Variants in TENM2 observed in about 807,000 individuals in gnomAD.
TENM2 encodes teneurin-2.
TENM2 carries 52 observed loss-of-function variants against 245.2 expected under a neutral mutation model. That is an observed-to-expected ratio of 0.21 (90% CI 0.17 to 0.27). The LOEUF is 0.27. Among genes scored for constraint, TENM2 ranks in the 10% least tolerant of loss-of-function variants. The pLI, the probability that TENM2 is intolerant of heterozygous loss-of-function variation, is 1.00. For synonymous variants in TENM2, 1,363 were observed against 1,438.9 expected, an observed-to-expected ratio of 0.95 and a Z score of 1.19; for missense variants, 3,046 against 3,666.8, an observed-to-expected ratio of 0.83 and a Z score of 4.37.
the TENM2 span, among the ~76,000 whole-genome samples, chr5:167,191,859 A>G: frequency 6.6e-6 from 1 of 152,034 alleles, no homozygotes; most frequent in Non-Finnish European, 1.5e-5. Context: ...CTCTTACTCC[A>G]ATAGTACTTG....
the TENM2 span, among the ~76,000 whole-genome samples, chr5:167,018,462 C>T: frequency 1.3e-5 from 2 of 151,866 alleles, no homozygotes; most frequent in Admixed American, 1.3e-4. Context: ...ATCTCTGAGT[C>T]ACTGACTGAA....
chr5:168,043,054 AT>A (rs1460082129), intron 5 of TENM2, among the ~76,000 whole-genome samples: 11 of 152,250 alleles, frequency 7.2e-5, no homozygotes, highest in Admixed American at 1.3e-4. Flanking sequence ...TCCCAAACTC[AT>A]TTCACTTTTG....
Position 168,065,989 on chromosome 5 carries a change from T to C in TENM2, c.1515+3724T>C, listed in dbSNP as rs141872488. 5.2e-3 allele frequency among the ~76,000 whole-genome samples: 792 copies of C among 152,198 alleles called. 17 individuals carry two copies. Among genetic ancestry groups the C allele is most frequent in the Admixed American group, 0.04 (617 of 15,264 alleles). Reference sequence around the variant, plus strand: ...TCTGGTTGTCACACTGTGAGGAGGTTGCTACTAGTACCTAGTGGATAGAGG... The same window carrying C: ...TCTGGTTGTCACACTGTGAGGAGGTCGCTACTAGTACCTAGTGGATAGAGG... On this transcript the variant is annotated intron_variant, in intron 7 of 28. Transcript: ENST00000518659.
rs117482203 is a variant in TENM2 at position 167,607,773 on chromosome 5, A to T, written c.502+232300A>T. On this transcript the variant is annotated intron_variant, in intron 2 of 28. Transcript: ENST00000518659. ...AGATAAGAATGCAAAATGCAATAAGATAGAGTCCCTGCCCTGTGTTGCTTC... is the reference window on the plus strand; with the variant it reads ...AGATAAGAATGCAAAATGCAATAAGTTAGAGTCCCTGCCCTGTGTTGCTTC... Among the ~76,000 whole-genome samples, 593 of 152,298 alleles carry T rather than the reference A, an allele frequency of 3.9e-3. 25 individuals are homozygous for T. In the East Asian group the frequency reaches 0.082, roughly 21 times the overall value.
the TENM2 span, among the ~76,000 whole-genome samples, chr5:167,077,857 A>G: frequency 6.6e-6 from 1 of 152,176 alleles, no homozygotes; most frequent in Non-Finnish European, 1.5e-5. Flanking sequence ...TCACTTTACT[A>G]GTATAAAACA....
intron 5 of TENM2, among the ~76,000 whole-genome samples, chr5:168,035,488 C>A (rs113497029): frequency 0.039 from 5,720 of 147,734 alleles, 374 homozygotes; most frequent in African/African-American, 0.14. Flanking sequence ...CAGAGGGAGA[C>A]CCTGTCTCAA....
the TENM2 span, among the ~76,000 whole-genome samples, chr5:167,072,749 G>A: frequency 6.6e-6 from 1 of 152,180 alleles, no homozygotes; most frequent in Admixed American, 6.5e-5. Context: ...ATTGACAATG[G>A]TATTAGCCAG....
At chr5:167,890,307 C>T (rs935568162) in intron 3 of TENM2, among the ~76,000 whole-genome samples, 4 of 152,132 alleles carry the variant, frequency 2.6e-5, no homozygotes, top group Non-Finnish European at 5.9e-5. Flanking sequence ...ACAGAAACAA[C>T]TTTTTCCTCC....
At chr5:167,116,643 T>A in the TENM2 span, 2 of 152,102 alleles carry the variant, frequency 1.3e-5, no homozygotes, top group Non-Finnish European at 2.9e-5. Context: ...TCTCAATTTC[T>A]TCACTTATGA....
intron 9 of TENM2, among the ~76,000 whole-genome samples, chr5:168,102,320 G>T (rs1416462839): frequency 6.6e-6 from 1 of 152,140 alleles, no homozygotes; most frequent in Non-Finnish European, 1.5e-5. Flanking sequence ...TGATCCACCC[G>T]CCTCAGCCTC....
chr5:168,081,060 GAGTCTA>G (rs1207908941), intron 7 of TENM2, among the ~76,000 whole-genome samples: 2 of 152,148 alleles, frequency 1.3e-5, no homozygotes, highest in Non-Finnish European at 2.9e-5. Flanking sequence ...TATTGTGTGG[GAGTCTA>G]AGTCTCTTTG....
intron 2 of TENM2, among the ~76,000 whole-genome samples, chr5:167,644,499 A>G (rs1779803406): frequency 6.6e-6 from 1 of 152,202 alleles, no homozygotes; most frequent in African/African-American, 2.4e-5. Flanking sequence ...ATGACAAAAC[A>G]ATAATAGTAA....
At chr5:167,756,219 A>T (rs1290809197) in intron 2 of TENM2, among the ~76,000 whole-genome samples, 1 of 152,066 alleles carries the variant, frequency 6.6e-6, no homozygotes, top group African/African-American at 2.4e-5. Flanking sequence ...TCCATGTTGT[A>T]TGATATATAT....
At chr5:167,461,055 T>C (rs1309967327) in intron 2 of TENM2, among the ~76,000 whole-genome samples, 1 of 152,168 alleles carries the variant, frequency 6.6e-6, no homozygotes, top group Non-Finnish European at 1.5e-5. Flanking sequence ...TAGTAAAACA[T>C]GGGACTCACT....
chr5:167,363,107 T>G (rs1759813763), intron 1 of TENM2, among the ~76,000 whole-genome samples: 1 of 152,166 alleles, frequency 6.6e-6, no homozygotes. Flanking sequence ...TCCAGGCAGA[T>G]TTAAAACAAA....
At chr5:168,138,686 G>T (rs1038233781) in intron 12 of TENM2, among the ~76,000 whole-genome samples, 8 of 152,216 alleles carry the variant, frequency 5.3e-5, no homozygotes, top group African/African-American at 1.9e-4. Flanking sequence ...CCATTTGCTG[G>T]TTTTAAGAAC....
chr5:167,942,893 A>G (rs574837054), intron 3 of TENM2, among the ~76,000 whole-genome samples: 18 of 152,246 alleles, frequency 1.2e-4, no homozygotes, highest in Middle Eastern at 6.8e-3. Flanking sequence ...TAGGCAGTGG[A>G]TGTTTCTCCA....
In TENM2 at chr5:168,215,033, A is replaced by G. The variant is rs777589039; in HGVS notation, c.3846-7A>G. ...CCTCATTTCTCTTTGTGCTTCTTCTACTAAAGCAACAACCCAGCACACAAG... is the reference window on the plus strand; with the variant it reads ...CCTCATTTCTCTTTGTGCTTCTTCTGCTAAAGCAACAACCCAGCACACAAG... On this transcript the variant is annotated splice_polypyrimidine_tract_variant and splice_region_variant and intron_variant, in intron 20 of 28. Transcript: ENST00000518659. The G allele has an allele frequency of 1.9e-6, 3 of 1,613,222 alleles. No homozygotes were observed. Among genetic ancestry groups the G allele is most frequent in the Non-Finnish European group, 2.5e-6 (3 of 1,179,436 alleles).
chr5:167,738,547 G>A lies in TENM2; in HGVS notation c.503-137439G>A, dbSNP rs184395486. Among the ~76,000 whole-genome samples the A allele has an allele frequency of 2.9e-4, 44 of 152,256 alleles. 1 individual carries two copies. Among genetic ancestry groups the A allele is most frequent in the East Asian group, 1.9e-3 (10 of 5,194 alleles). On this transcript the variant is annotated intron_variant, in intron 2 of 28. Coordinates refer to ENST00000518659, the Ensembl canonical transcript of TENM2. ...CAGCCCTAGTGTCTTAAACAGATTT[G>A]TGATGAAATAATCGATAAATATTTA...
Sources: gnomAD v4.1 joint callset for allele counts (sites outside exome capture counted in the v4.1 genomes callset) on GRCh38, gnomAD v4.1.1 for gene constraint, MANE v1.5 for transcripts, NCBI Gene and HGNC (gene_info 2026-07-23, HGNC 2026-07-21) for gene names.